The following PALM2AKAP2 variants were observed in gnomAD, a reference collection of about 807,000 sequenced individuals.
The protein encoded by PALM2AKAP2 is PALM2-AKAP2 fusion protein.
PALM2AKAP2 carries 37 observed loss-of-function variants against 71.5 expected under a neutral mutation model. The observed-to-expected ratio is 0.52, with a 90% CI of 0.40 to 0.68. The LOEUF is 0.68. Among genes scored for constraint, PALM2AKAP2 ranks in the 30% least tolerant of loss-of-function variants. The pLI is 0.00. For synonymous variants in PALM2AKAP2, 468 were observed against 478.8 expected (o/e 0.98, Z 0.29); for missense variants, 1,224 against 1,191.8 (o/e 1.03, Z -0.40).
intron 1 of PALM2AKAP2, among the ~76,000 whole-genome samples, chr9:109,843,841 A>C (rs749114670): frequency 1.3e-5 from 2 of 152,196 alleles, no homozygotes; most frequent in Non-Finnish European, 2.9e-5. Context: ...GGACGAGGCC[A>C]GCTGGCTGCC....
At chr9:110,085,538 G>A (rs1206331706) in intron 1 of PALM2AKAP2, among the ~76,000 whole-genome samples, 2 of 152,232 alleles carry the variant, frequency 1.3e-5, no homozygotes, top group Non-Finnish European at 2.9e-5. Flanking sequence ...TTAGCAATAT[G>A]TAAGTAGAAA....
At chr9:110,159,625 A>G (rs1283343994) in intron 3 of PALM2AKAP2, among the ~76,000 whole-genome samples, 6 of 152,216 alleles carry the variant, frequency 3.9e-5, no homozygotes, top group Admixed American at 1.3e-4. Flanking sequence ...ACACAATGGT[A>G]TCGAGGAGAG....
intron 1 of PALM2AKAP2, among the ~76,000 whole-genome samples, chr9:110,055,949 C>G (rs576516658): frequency 6.6e-6 from 1 of 152,324 alleles, no homozygotes; most frequent in East Asian, 1.9e-4. Flanking sequence ...CTCCATGGCT[C>G]TTTCCAGGGC....
chr9:110,162,909 G>T (rs150905966), intron 3 of PALM2AKAP2, among the ~76,000 whole-genome samples: 2,000 of 151,658 alleles, frequency 0.013, 14 homozygotes, highest in South Asian at 0.022. Flanking sequence ...CGGGGGTCTC[G>T]CTATGTTGCC....
At chr9:110,046,578 C>T (rs145486822), upstream of PALM2AKAP2, among the ~76,000 whole-genome samples, 292 of 151,026 alleles carry the variant, frequency 1.9e-3, 1 homozygote, top group African/African-American at 6.9e-3. Flanking sequence ...AAACAATTCT[C>T]CTGTCTCACC....
At chr9:110,022,899 G>A (rs1833099605) in intron 7 of PALM2AKAP2, among the ~76,000 whole-genome samples, 1 of 152,144 alleles carries the variant, frequency 6.6e-6, no homozygotes, top group African/African-American at 2.4e-5. Flanking sequence ...CCCTACAAAG[G>A]ACATGAACTC....
chr9:109,773,541 T>C (rs913568635), intron 1 of PALM2AKAP2, among the ~76,000 whole-genome samples: 1 of 152,226 alleles, frequency 6.6e-6, no homozygotes, highest in Non-Finnish European at 1.5e-5. Context: ...ACAGCATTTG[T>C]AGTTCTCAGA....
intron 1 of PALM2AKAP2, among the ~76,000 whole-genome samples, chr9:109,695,828 T>A (rs1039431614): frequency 4.6e-5 from 7 of 152,088 alleles, no homozygotes; most frequent in African/African-American, 1.7e-4. Flanking sequence ...AAACCGTAGA[T>A]CTCATGGAGG....
At chr9:109,970,127 A>G (rs990803884) in intron 6 of PALM2AKAP2, among the ~76,000 whole-genome samples, 2 of 152,270 alleles carry the variant, frequency 1.3e-5, no homozygotes, top group Non-Finnish European at 2.9e-5. Context: ...CTCTCTATCT[A>G]TGGTAAAGGA....
At chr9:110,106,101 G>A (rs552752580) in intron 1 of PALM2AKAP2, among the ~76,000 whole-genome samples, 13 of 152,330 alleles carry the variant, frequency 8.5e-5, no homozygotes, top group African/African-American at 1.2e-4. Flanking sequence ...AAATTAGTAA[G>A]TGGCTACATC....
In PALM2AKAP2 at chr9:109,889,160, T is replaced by C. The variant is rs552602481; in HGVS notation, c.257+8479T>C. 3.3e-4 allele frequency among the ~76,000 whole-genome samples: 51 copies of C among 152,356 alleles called. No homozygotes were observed. In the South Asian group the frequency reaches 1.0e-2, roughly 30 times the overall value. On this transcript the variant is annotated intron_variant, in intron 3 of 9. Transcript: ENST00000302798. Reference sequence around the variant, plus strand: ...TTACTTGAAAATAAAAGGCTTCTCTTATGCACTGAGCCATGAAAGTCTGTT... The same window carrying C: ...TTACTTGAAAATAAAAGGCTTCTCTCATGCACTGAGCCATGAAAGTCTGTT...
chr9:110,059,142 C>T (rs550337066), intron 1 of PALM2AKAP2, among the ~76,000 whole-genome samples: 3 of 152,186 alleles, frequency 2.0e-5, no homozygotes, highest in South Asian at 2.1e-4. Flanking sequence ...TCAAGTGATC[C>T]GTCTGCCTCG....
At chr9:110,083,713 A>G (rs1483897021) in intron 1 of PALM2AKAP2, among the ~76,000 whole-genome samples, 1 of 152,246 alleles carries the variant, frequency 6.6e-6, no homozygotes, top group Non-Finnish European at 1.5e-5. Flanking sequence ...AAGAGTCAAG[A>G]ATAAAAATGG....
At chr9:110,073,252 G>C (rs1261413843) in intron 1 of PALM2AKAP2, among the ~76,000 whole-genome samples, 1 of 152,160 alleles carries the variant, frequency 6.6e-6, no homozygotes, top group African/African-American at 2.4e-5. Context: ...TGCTGGTCTT[G>C]TGTTTTCAGA....
upstream of PALM2AKAP2, among the ~76,000 whole-genome samples, chr9:109,779,845 G>A (rs1290827834): frequency 2.0e-5 from 3 of 152,160 alleles, no homozygotes; most frequent in Non-Finnish European, 4.4e-5. Context: ...GGTGGCCCCA[G>A]CCCCCACGTA....
chr9:109,897,483 G>A (rs1830228306), intron 3 of PALM2AKAP2, among the ~76,000 whole-genome samples: 1 of 152,098 alleles, frequency 6.6e-6, no homozygotes, highest in Non-Finnish European at 1.5e-5. Flanking sequence ...GGGAGGCTGA[G>A]ACAGAGAATT....
At chr9:110,110,710 C>G (rs890142937) in intron 1 of PALM2AKAP2, among the ~76,000 whole-genome samples, 3 of 152,060 alleles carry the variant, frequency 2.0e-5, no homozygotes, top group African/African-American at 7.2e-5. Flanking sequence ...CCATCCCTGG[C>G]TAATTTTTGT....
chr9:109,670,447 T>G (rs1827556971), intron 1 of PALM2AKAP2, among the ~76,000 whole-genome samples: 1 of 152,086 alleles, frequency 6.6e-6, no homozygotes, highest in Non-Finnish European at 1.5e-5. Flanking sequence ...AATGACATGA[T>G]CTTGTTCTTT....
chr9:110,042,700 G>T (rs1401351935), intron 7 of PALM2AKAP2, among the ~76,000 whole-genome samples: 1 of 152,110 alleles, frequency 6.6e-6, no homozygotes, highest in Non-Finnish European at 1.5e-5. Context: ...TATTTTTATG[G>T]ATTTTTATCT....
Sources: allele counts gnomAD v4.1 joint callset (sites outside exome capture counted in the v4.1 genomes callset), GRCh38; gene constraint gnomAD v4.1.1; transcripts MANE v1.5; gene names NCBI Gene and HGNC (gene_info 2026-07-23, HGNC 2026-07-21).